Variants in RBFOX1 observed in about 807,000 individuals in gnomAD.
RBFOX1 encodes RNA binding fox-1 homolog 1.
A neutral mutation model predicts 57.7 loss-of-function variants in RBFOX1; 8 were observed. That is an observed-to-expected ratio of 0.14 (90% CI 0.08 to 0.25). RBFOX1 has a LOEUF of 0.25. Ranked by LOEUF, RBFOX1 falls within the 10% of genes least tolerant of loss-of-function variation. The pLI, the probability that RBFOX1 is intolerant of heterozygous loss-of-function variation, is 1.00. For missense variants in RBFOX1, 611 were observed against 548.5 expected (o/e 1.11, Z -1.14); for synonymous variants, 326 against 222.4 (o/e 1.47, Z -4.15).
In RBFOX1 at chr16:5,651,040, C is replaced by CTTTTTTTTTTTTTTTTTTTT. The variant is rs869240597; in HGVS notation, c.318+52090_318+52109dup. ...TCCTCTGGGAGAACACTACCTCCTTCTTTTTTTTTTTTTTTTTTTTTTTTT... is the reference window on the plus strand; with the variant it reads ...TCCTCTGGGAGAACACTACCTCCTTCTTTTTTTTTTTTTTTTTTTTTTTTTTTTTTTTTTTTTTTTTTTTT... On this transcript the variant is annotated intron_variant, in intron 3 of 19. Transcript: ENST00000641259. Among the ~76,000 whole-genome samples the CTTTTTTTTTTTTTTTTTTTT allele has an allele frequency of 8.8e-5, 5 of 56,896 alleles. 2 individuals are homozygous for CTTTTTTTTTTTTTTTTTTTT. Among genetic ancestry groups the CTTTTTTTTTTTTTTTTTTTT allele is most frequent in the Non-Finnish European group, 1.5e-4 (5 of 33,742 alleles). 37.3% of individuals were successfully genotyped at this position (56,896 alleles called of 152,430 possible). A position where few individuals can be genotyped will look rare whatever the true frequency, so the allele number is the denominator to read the frequency against.
chr16:6,290,935 A>G (rs1440796627), intron 1 of RBFOX1, among the ~76,000 whole-genome samples: 2 of 152,280 alleles, frequency 1.3e-5, no homozygotes, highest in South Asian at 2.1e-4. Context: ...TGGCTACTCC[A>G]TAGAGAGAGC....
chr16:6,007,492 C>G (rs189661376), intron 4 of RBFOX1, among the ~76,000 whole-genome samples: 1 of 152,170 alleles, frequency 6.6e-6, no homozygotes, highest in Non-Finnish European at 1.5e-5. Flanking sequence ...CATGTTGATT[C>G]CAGCCTTGCC....
intron 2 of RBFOX1, among the ~76,000 whole-genome samples, chr16:6,598,079 C>T (rs185371678): frequency 3.3e-5 from 5 of 152,340 alleles, no homozygotes; most frequent in Non-Finnish European, 7.3e-5. Context: ...TTTTCTGGTA[C>T]TTGTGGCAGA....
At chr16:7,004,379 C>G (rs1012563453) in intron 3 of RBFOX1, among the ~76,000 whole-genome samples, 1 of 152,146 alleles carries the variant, frequency 6.6e-6, no homozygotes, top group Non-Finnish European at 1.5e-5. Context: ...GCATCAGATT[C>G]TTTGTCCACC....
At chr16:6,110,154 G>C (rs1228569477) in intron 1 of RBFOX1, among the ~76,000 whole-genome samples, 1 of 148,744 alleles carries the variant, frequency 6.7e-6, no homozygotes, top group African/African-American at 2.5e-5. Flanking sequence ...GATCACAACA[G>C]GTTTTTCACT....
At chr16:6,265,723 T>C (rs2152653880) in intron 1 of RBFOX1, among the ~76,000 whole-genome samples, 1 of 152,338 alleles carries the variant, frequency 6.6e-6, no homozygotes, top group Non-Finnish European at 1.5e-5. Context: ...TTCTTTACCA[T>C]GTTAGCTCTC....
rs527472690 is a variant in RBFOX1 at position 5,281,143 on chromosome 16, G to A, written c.219+41038G>A. Among the ~76,000 whole-genome samples, 13 of 152,018 alleles carry A rather than the reference G, an allele frequency of 8.6e-5. 1 individual carries two copies. The South Asian group carries it at 2.7e-3, about 32-fold the overall frequency. On this transcript the variant is annotated intron_variant, in intron 1 of 2. Coordinates refer to the RBFOX1 transcript ENST00000585867. ...TTTGCATGATGTGTTTCCATTTTCT[G>A]TTTAAAAAATTTTTTTAATTTCCAT...
intron 4 of RBFOX1, among the ~76,000 whole-genome samples, chr16:7,448,016 C>G (rs1375893548): frequency 6.6e-6 from 1 of 152,166 alleles, no homozygotes; most frequent in Non-Finnish European, 1.5e-5. Context: ...GAAACACCCA[C>G]CCTCCTTTCT....
chr16:6,502,753 C>G (rs192146721), intron 2 of RBFOX1, among the ~76,000 whole-genome samples: 1 of 152,072 alleles, frequency 6.6e-6, no homozygotes, highest in Non-Finnish European at 1.5e-5. Flanking sequence ...TAAGGTGCCC[C>G]GATGGATCAT....
chr16:5,730,908 A>G (rs1017235593), intron 3 of RBFOX1, among the ~76,000 whole-genome samples: 7 of 152,004 alleles, frequency 4.6e-5, no homozygotes, highest in Admixed American at 1.3e-4. Context: ...CACCATCAAC[A>G]TCTCCACTGC....
At chr16:6,572,743 A>G (rs893192058) in intron 2 of RBFOX1, among the ~76,000 whole-genome samples, 2 of 151,996 alleles carry the variant, frequency 1.3e-5, no homozygotes, top group African/African-American at 4.8e-5. Flanking sequence ...CAGGTGTGAG[A>G]TATGCACCCA....
chr16:7,080,595 G>A (rs1293876021), intron 4 of RBFOX1, among the ~76,000 whole-genome samples: 1 of 152,040 alleles, frequency 6.6e-6, no homozygotes, highest in African/African-American at 2.4e-5. Flanking sequence ...TGCTCTCTGG[G>A]TATCCTTTTT....
At chr16:5,417,356 A>T (rs1023859457) in intron 1 of RBFOX1, among the ~76,000 whole-genome samples, 4 of 152,234 alleles carry the variant, frequency 2.6e-5, no homozygotes, top group Admixed American at 1.3e-4. Context: ...ATTTTAGGTA[A>T]TTCAGTAAGT....
chr16:6,846,752 G>C (rs1235621844), intron 3 of RBFOX1, among the ~76,000 whole-genome samples: 2 of 152,108 alleles, frequency 1.3e-5, no homozygotes, highest in African/African-American at 4.8e-5. Flanking sequence ...ACAAAATTAG[G>C]TCATTTGTCT....
chr16:6,285,854 G>T (rs2076852469), intron 1 of RBFOX1, among the ~76,000 whole-genome samples: 1 of 152,044 alleles, frequency 6.6e-6, no homozygotes, highest in Non-Finnish European at 1.5e-5. Flanking sequence ...TACATTGATG[G>T]CCCATTAACA....
chr16:6,030,276 G>T (rs2095269852), intron 1 of RBFOX1, among the ~76,000 whole-genome samples: 2 of 152,136 alleles, frequency 1.3e-5, no homozygotes, highest in South Asian at 2.1e-4. Context: ...TTGGTTTCAG[G>T]ATCAGAAAGA....
At chr16:5,455,250 G>C (rs989210388) in intron 1 of RBFOX1, among the ~76,000 whole-genome samples, 1 of 151,950 alleles carries the variant, frequency 6.6e-6, no homozygotes, top group African/African-American at 2.4e-5. Flanking sequence ...TGGCCTTTCT[G>C]TATAACTTGA....
intron 3 of RBFOX1, among the ~76,000 whole-genome samples, chr16:6,945,155 A>C (rs1447144803): frequency 2.6e-5 from 4 of 152,032 alleles, no homozygotes. Flanking sequence ...TAGGGATGAG[A>C]GTATGGGGAA....
rs538879451 is a variant in RBFOX1 at position 6,521,913 on chromosome 16, C to T, written c.-63-132690C>T. On this transcript the variant is annotated intron_variant, in intron 2 of 15. Coordinates refer to ENST00000550418, the MANE Select transcript of RBFOX1 (RefSeq NM_018723.4). ...ATCTGTGTTTGGGTCTTGTTGAATT[C>T]GAGCTAAGGGAAGGGGAATACTTCT... 3.3e-5 allele frequency among the ~76,000 whole-genome samples: 5 copies of T among 152,134 alleles called. 1 individual carries two copies. In the South Asian group the frequency reaches 8.3e-4, roughly 25 times the overall value.
Sources: allele counts gnomAD v4.1 joint callset (sites outside exome capture counted in the v4.1 genomes callset), GRCh38; gene constraint gnomAD v4.1.1; transcripts MANE v1.5; gene names NCBI Gene and HGNC (gene_info 2026-07-23, HGNC 2026-07-21).